The following ST18 variants were observed in gnomAD, a reference collection of about 807,000 sequenced individuals.
ST18 encodes suppression of tumorigenicity 18 protein.
ST18 carries 50 observed loss-of-function variants against 110.0 expected under a neutral mutation model. That is an observed-to-expected ratio of 0.45 (90% CI 0.36 to 0.58). The LOEUF (loss-of-function observed/expected upper bound fraction) is 0.58. Among genes scored for constraint, ST18 ranks in the 20% least tolerant of loss-of-function variants. The pLI is 0.00. For missense variants in ST18, 1,306 were observed against 1,280.1 expected (o/e 1.02, Z -0.31); for synonymous variants, 461 against 452.4 (o/e 1.02, Z -0.24).
chr8:52,352,445 G>A (rs1046963593), intron 2 of ST18, among the ~76,000 whole-genome samples: 3 of 152,124 alleles, frequency 2.0e-5, no homozygotes, highest in African/African-American at 7.2e-5. Flanking sequence ...AGAGTGCTCC[G>A]AGATTTAAAG....
chr8:52,394,303 C>T (rs1395166282), intron 2 of ST18, among the ~76,000 whole-genome samples: 1 of 152,156 alleles, frequency 6.6e-6, no homozygotes, highest in Non-Finnish European at 1.5e-5. Context: ...TTGCCCTTCC[C>T]TACTCCAATC....
rs991299362 is a variant in ST18 at position 52,113,258 on chromosome 8, G to C, written c.3084C>G (p.Ser1028=). The change falls in exon 26 of 26, where the codon TCC becomes TCG. Residue 1028 remains serine, a synonymous_variant. Transcript: ENST00000689386. ...DMYSNLERDY[S]PECKALLESI... is the part of the protein sequence containing the mutation. ...TTTCCAGTAGAGCTTTGCATTCCGG[G>C]GAATAGTCCCGTTCCAGATTGCTGT... 6.2e-7 allele frequency: 1 copy of C among 1,613,930 alleles called. No individual in the cohort carries two copies. The highest frequency in any genetic ancestry group is 8.5e-7 in the Non-Finnish European group (1 of 1,179,976).
At chr8:52,329,889 A>G (rs1368416343) in intron 2 of ST18, among the ~76,000 whole-genome samples, 2 of 152,260 alleles carry the variant, frequency 1.3e-5, no homozygotes, top group Non-Finnish European at 2.9e-5. Flanking sequence ...CCTTCTCTGT[A>G]TCCAAAAGGA....
At chr8:52,122,660 T>C (rs1465868597) in intron 23 of ST18, among the ~76,000 whole-genome samples, 5 of 151,992 alleles carry the variant, frequency 3.3e-5, no homozygotes, top group African/African-American at 1.2e-4. Context: ...TGTTTTTTTT[T>C]GTATTTTTAT....
chr8:52,198,191 G>C (rs1341922493), intron 8 of ST18, among the ~76,000 whole-genome samples: 2 of 152,102 alleles, frequency 1.3e-5, no homozygotes, highest in Non-Finnish European at 2.9e-5. Context: ...ATTTTCAGTA[G>C]AGATGGGGTT....
chr8:52,173,538 T>C (rs1347931831), intron 9 of ST18, among the ~76,000 whole-genome samples: 1 of 152,076 alleles, frequency 6.6e-6, no homozygotes, highest in African/African-American at 2.4e-5. Flanking sequence ...ACAGAGTGTA[T>C]AGACAACAAT....
At chr8:52,384,257 T>C (rs1835694858) in intron 2 of ST18, among the ~76,000 whole-genome samples, 1 of 152,206 alleles carries the variant, frequency 6.6e-6, no homozygotes, top group African/African-American at 2.4e-5. Flanking sequence ...GAAAGCCTGA[T>C]GTTAGCAGCA....
rs376841647 is a variant in ST18 at position 52,142,051 on chromosome 8, A to G, written c.2168+879T>C. On this transcript the variant is annotated intron_variant, in intron 17 of 25. Transcript: ENST00000689386. The stretch of plus-strand genomic sequence containing the variant: ...GTAGACAATGGATTGTGGAGGAGGG[A>G]GATCAGCTCTGTGGCATCCTGCTGC... Among the ~76,000 whole-genome samples, 47 of 152,220 alleles carry G rather than the reference A, an allele frequency of 3.1e-4. 2 individuals carry two copies. The highest frequency in any genetic ancestry group is 9.4e-4 in the African/African-American group (39 of 41,532).
chr8:52,132,392 T>A (rs2050041671), intron 21 of ST18, among the ~76,000 whole-genome samples: 1 of 152,222 alleles, frequency 6.6e-6, no homozygotes, highest in Non-Finnish European at 1.5e-5. Flanking sequence ...AGTATTATTA[T>A]CCCATTTTGT....
At chr8:52,226,295 T>G (rs1416910381) in intron 3 of ST18, among the ~76,000 whole-genome samples, 1 of 152,264 alleles carries the variant, frequency 6.6e-6, no homozygotes, top group East Asian at 1.9e-4. Flanking sequence ...TGCATTGCTG[T>G]CTTTGGGGTG....
At chr8:52,242,187 A>C (rs1455151882) in intron 2 of ST18, among the ~76,000 whole-genome samples, 1 of 152,268 alleles carries the variant, frequency 6.6e-6, no homozygotes, top group Non-Finnish European at 1.5e-5. Context: ...CTGCCTAATG[A>C]AGATCTAAAA....
rs1301632413 is a variant in ST18 at position 52,118,498 on chromosome 8, T to C, written c.2756-57A>G. On this transcript the variant is annotated intron_variant, in intron 23 of 25. Transcript: ENST00000689386. The stretch of plus-strand genomic sequence containing the variant: ...TGAAAACTGTTAACAAATGAGTCAT[T>C]ATATGTTTAATTTGTGATTTGCTAC... 7.9e-6 allele frequency: 8 copies of C among 1,006,946 alleles called. No homozygotes were observed. The East Asian group carries it at 1.9e-4, about 23-fold the overall frequency. 62.4% of individuals were successfully genotyped at this position (1,006,946 alleles called of 1,614,324 possible).
At chr8:52,345,965 G>C (rs185929083) in intron 2 of ST18, among the ~76,000 whole-genome samples, 2 of 152,014 alleles carry the variant, frequency 1.3e-5, no homozygotes, top group East Asian at 3.9e-4. Context: ...ATCATAAACA[G>C]ATCATTAGTT....
intron 2 of ST18, among the ~76,000 whole-genome samples, chr8:52,365,880 T>G (rs1827721343): frequency 6.6e-6 from 1 of 151,438 alleles, no homozygotes; most frequent in Non-Finnish European, 1.5e-5. Flanking sequence ...TTTTTTTTTT[T>G]GTAGAGATAG....
intron 8 of ST18, among the ~76,000 whole-genome samples, chr8:52,202,591 C>T (rs982327700): frequency 2.0e-5 from 3 of 152,126 alleles, no homozygotes; most frequent in Non-Finnish European, 2.9e-5. Flanking sequence ...TAAAGAAGTG[C>T]TTGGGGAACA....
chr8:52,276,210 A>G (rs2095258033), intron 2 of ST18, among the ~76,000 whole-genome samples: 1 of 150,384 alleles, frequency 6.6e-6, no homozygotes, highest in Non-Finnish European at 1.5e-5. Context: ...CTACACATAT[A>G]CCACATAATT....
intron 2 of ST18, among the ~76,000 whole-genome samples, chr8:52,363,345 G>A (rs959915451): frequency 3.9e-5 from 6 of 152,016 alleles, no homozygotes; most frequent in African/African-American, 7.3e-5. Flanking sequence ...AATCTTTCTC[G>A]TGAATCAGCC....
intron 3 of ST18, among the ~76,000 whole-genome samples, chr8:52,228,838 C>A (rs1176981899): frequency 6.6e-6 from 1 of 152,068 alleles, no homozygotes; most frequent in Non-Finnish European, 1.5e-5. Context: ...GTCTCTGCAG[C>A]AGAGACCTGG....
At chr8:52,115,830 G>A (rs1275315923) in intron 25 of ST18, among the ~76,000 whole-genome samples, 3 of 151,930 alleles carry the variant, frequency 2.0e-5, no homozygotes, top group Admixed American at 6.6e-5. Context: ...ACTGAAGTAC[G>A]TTCTTCATAC....
Sources: allele counts gnomAD v4.1 joint callset (sites outside exome capture counted in the v4.1 genomes callset), GRCh38; gene constraint gnomAD v4.1.1; transcripts MANE v1.5; gene names NCBI Gene and HGNC (gene_info 2026-07-23, HGNC 2026-07-21).